Variants in DCLRE1A observed in about 807,000 individuals in gnomAD.
DCLRE1A encodes DNA cross-link repair 1A.
Under a neutral mutation model 91.9 loss-of-function variants are expected in DCLRE1A, and 64 were observed. The observed-to-expected ratio is 0.70, with a 90% confidence interval of 0.57 to 0.86. The LOEUF is 0.86. DCLRE1A is among the 40% of genes least tolerant of loss of function. The pLI, the probability that DCLRE1A is intolerant of heterozygous loss-of-function variation, is 0.00. For synonymous variants in DCLRE1A, 416 were observed against 431.1 expected (o/e 0.96, Z 0.43); for missense variants, 1,145 against 1,213.3 (o/e 0.94, Z 0.84).
chr10:113,835,047 T>C lies in DCLRE1A; in HGVS notation c.*105A>G. On this transcript the variant is annotated 3_prime_UTR_variant, in exon 9 of 9. Transcript: ENST00000361384. ...AGAAAATAAAGTATCTGAACAATCT[T>C]CATGAGGTTTTTCCACACAAAGTGT... 3.5e-6 allele frequency: 4 copies of C among 1,151,186 alleles called. No homozygotes were observed. The highest frequency in any genetic ancestry group is 4.9e-6 in the Non-Finnish European group (4 of 811,360). 71.3% of individuals were successfully genotyped at this position (1,151,186 alleles called of 1,614,324 possible). A position where few individuals can be genotyped will look rare whatever the true frequency, so the allele number is the denominator to read the frequency against.
At chr10:113,852,375 T>G (rs1845666035) in intron 1 of DCLRE1A, among the ~76,000 whole-genome samples, 1 of 152,240 alleles carries the variant, frequency 6.6e-6, no homozygotes, top group Non-Finnish European at 1.5e-5. Context: ...ATCTGACTTT[T>G]AAGAACTTTC....
chr10:113,840,694 T>C (rs997198944), intron 7 of DCLRE1A, among the ~76,000 whole-genome samples: 2 of 152,194 alleles, frequency 1.3e-5, no homozygotes, highest in Non-Finnish European at 2.9e-5. Flanking sequence ...TTGCCTCACC[T>C]CTCATTCATT....
At chr10:113,847,956 T>C (rs2134664136) in intron 2 of DCLRE1A, among the ~76,000 whole-genome samples, 1 of 152,262 alleles carries the variant, frequency 6.6e-6, no homozygotes, top group African/African-American at 2.4e-5. Context: ...GATGTGCAAA[T>C]AAATAAGCAT....
chr10:113,848,817 G>C (rs1352155751), intron 2 of DCLRE1A, among the ~76,000 whole-genome samples, 163 bp downstream of exon 2: 1 of 151,770 alleles, frequency 6.6e-6, no homozygotes, highest in African/African-American at 2.4e-5. Context: ...AATCAAATAG[G>C]CAAAAACCAT....
At chr10:113,845,655 A>C (rs751897368) in intron 4 of DCLRE1A, 30 bp downstream of exon 4, 97 of 1,531,932 alleles carry the variant, frequency 6.3e-5, no homozygotes, top group Non-Finnish European at 8.3e-5. Flanking sequence ...CATTTAAAAA[A>C]TGTGCTATTA....
chr10:113,844,231 C>T lies in DCLRE1A; in HGVS notation c.2392G>A (p.Val798Ile), dbSNP rs545969463. Residue 798 changes from valine to isoleucine, a missense_variant, in exon 5 of 9, where the codon GTC becomes ATC. Coordinates refer to ENST00000361384, the MANE Select transcript of DCLRE1A (RefSeq NM_014881.5). Reference protein sequence around the residue: ...LLDANHCPGAVMILFYLPNGT... With the variant: ...LLDANHCPGAIMILFYLPNGT... Reference sequence around the variant, plus strand: ...TTAGGAAGATAAAAGAGGATCATGACAGCACCTGGACAGCTGAACACAAAT... The same window carrying T: ...TTAGGAAGATAAAAGAGGATCATGATAGCACCTGGACAGCTGAACACAAAT... 1 of 1,614,096 alleles carries T rather than the reference C, an allele frequency of 6.2e-7. No homozygotes were observed. Among genetic ancestry groups the T allele is most frequent in the African/African-American group, 1.3e-5 (1 of 75,022 alleles).
intron 5 of DCLRE1A, among the ~76,000 whole-genome samples, chr10:113,842,874 G>A (rs1845468232): frequency 6.6e-6 from 1 of 151,974 alleles, no homozygotes; most frequent in Non-Finnish European, 1.5e-5. Flanking sequence ...TTGGACTAAA[G>A]ACTGTCAATA....
At chr10:113,839,956 A>G (rs1382591611) in intron 7 of DCLRE1A, among the ~76,000 whole-genome samples, 1 of 152,188 alleles carries the variant, frequency 6.6e-6, no homozygotes, top group African/African-American at 2.4e-5. Context: ...TTCAAAATCA[A>G]CATTCCTGAG....
In DCLRE1A at chr10:113,853,192, A is replaced by G. The variant is rs776876833; in HGVS notation, c.-10T>C. The G allele has an allele frequency of 6.6e-7, 1 of 1,525,842 alleles. No individual in the cohort carries two copies. Among genetic ancestry groups the G allele is most frequent in the South Asian group, 1.3e-5 (1 of 76,054 alleles). The allele number at this position is 1,525,842 out of a possible 1,614,324, so 94.5% of individuals were successfully genotyped here. On this transcript the variant is annotated 5_prime_UTR_variant, in exon 1 of 9. Transcript: ENST00000361384. ...AAATGTCTTCTAACATGGCAAAATG[A>G]TTTTATCATTCAAGAAGTATTAATC...
Position 113,841,477 on chromosome 10 carries a change from T to C in DCLRE1A, c.2749A>G (p.Asn917Asp). The C allele has an allele frequency of 6.2e-7, 1 of 1,613,722 alleles. No individual in the cohort carries two copies. The change falls in exon 7 of 9, where the codon AAT becomes GAT. Residue 917 changes from asparagine (N) to aspartate (D), a missense_variant. By Grantham distance (23) the Asn-to-Asp change is conservative. Coordinates refer to ENST00000361384, the MANE Select transcript of DCLRE1A (RefSeq NM_014881.5). ...TLQCLNIPEI[N>D]SLITTDMCSS... is the part of the protein sequence containing the mutation. The stretch of plus-strand genomic sequence containing the variant: ...CACATGTCGGTAGTGATGAGTGAAT[T>C]AATTTCTGGTATATTGAGGCACTGT...
At chr10:113,840,624 C>T (rs1286572242) in intron 7 of DCLRE1A, among the ~76,000 whole-genome samples, 1 of 152,174 alleles carries the variant, frequency 6.6e-6, no homozygotes, top group African/African-American at 2.4e-5. Flanking sequence ...AACCCTCCTC[C>T]CTTTGGCCAT....
At position 113,853,125 on chromosome 10, in the gene DCLRE1A, T is replaced by C. The variant is rs1158738843; in HGVS notation, c.58A>G (p.Lys20Glu). 2 of 1,594,732 alleles carry C rather than the reference T, an allele frequency of 1.3e-6. No individual in the cohort carries two copies. Among genetic ancestry groups the C allele is most frequent in the East Asian group, 2.2e-5 (1 of 44,820 alleles). ...GAGCCATTATTTGGATCAACTCGTT[T>C]TGGTTTTCTTTTAGATTTGTATTCC... is the stretch of plus-strand genomic sequence containing the variant. Reference protein sequence around the residue: ...IWEYKSKRKPKRVDPNNGSKN... With the variant: ...IWEYKSKRKPERVDPNNGSKN... Residue 20 changes from lysine (K) to glutamate (E), a missense_variant, in exon 1 of 9, where the codon AAA (lysine) becomes GAA (glutamate). Transcript: ENST00000361384.
Position 113,835,023 on chromosome 10 carries a change from GAAAAT to G in DCLRE1A, c.*124_*128del. ...GAACATGTTGTTCAAACATAAATGA[GAAAAT>G]AAAGTATCTGAACAATCTTCATGAG... On this transcript the variant is annotated 3_prime_UTR_variant, in exon 9 of 9. Coordinates refer to ENST00000361384, the MANE Select transcript of DCLRE1A (RefSeq NM_014881.5). The G allele has an allele frequency of 3.1e-6, 3 of 968,412 alleles. No homozygotes were observed. The East Asian group carries it at 7.5e-5, about 24-fold the overall frequency. The allele number at this position is 968,412 out of a possible 1,614,324, so 60.0% of individuals were successfully genotyped here.
At chr10:113,842,008 T>C (rs559000162) in intron 6 of DCLRE1A, among the ~76,000 whole-genome samples, 103 of 152,320 alleles carry the variant, frequency 6.8e-4, no homozygotes, top group South Asian at 4.1e-3. Context: ...TGATTGCCAA[T>C]GTAATTATTA....
intron 3 of DCLRE1A, among the ~76,000 whole-genome samples, chr10:113,846,460 C>A (rs2134661731): frequency 6.6e-6 from 1 of 152,226 alleles, no homozygotes; most frequent in Middle Eastern, 3.4e-3. Context: ...TGTGTCTAAC[C>A]TTAGCCCAGG....
At chr10:113,840,993 A>G (rs1039280560) in intron 7 of DCLRE1A, among the ~76,000 whole-genome samples, 42 of 152,318 alleles carry the variant, frequency 2.8e-4, no homozygotes, top group African/African-American at 9.9e-4. Context: ...TAAATTTTCA[A>G]TATTTATCAA....
chr10:113,850,935 C>T (rs892901386), intron 1 of DCLRE1A, among the ~76,000 whole-genome samples: 1 of 151,968 alleles, frequency 6.6e-6, no homozygotes, highest in African/African-American at 2.4e-5. Flanking sequence ...TTGGTATATC[C>T]CTGTGTATGT....
chr10:113,848,946 T>C, intron 2 of DCLRE1A, 34 bp downstream of exon 2: 2 of 1,570,012 alleles, frequency 1.3e-6, no homozygotes, highest in Admixed American at 3.7e-5. Flanking sequence ...ACGTTGTCTT[T>C]GTTGATATAT....
At chr10:113,841,035 A>C (rs1845437323) in intron 7 of DCLRE1A, among the ~76,000 whole-genome samples, 2 of 152,222 alleles carry the variant, frequency 1.3e-5, no homozygotes, top group Non-Finnish European at 2.9e-5. Context: ...TACAGAATAG[A>C]ATAGACCTGA....
Sources: gnomAD v4.1 joint callset for allele counts (sites outside exome capture counted in the v4.1 genomes callset) on GRCh38, gnomAD v4.1.1 for gene constraint, MANE v1.5 for transcripts, NCBI Gene and HGNC (gene_info 2026-07-23, HGNC 2026-07-21) for gene names.